Variants in MMP16 observed in about 807,000 individuals in gnomAD.
The protein encoded by MMP16 is matrix metallopeptidase 16, also known as matrix metalloproteinase-16.
In MMP16, 12 loss-of-function variants were observed where a neutral mutation model predicts 67.8. That is an observed-to-expected ratio of 0.18 (90% CI 0.11 to 0.29). The LOEUF is 0.29. Among genes scored for constraint, MMP16 ranks in the 10% least tolerant of loss-of-function variants. MMP16 has a pLI of 1.00. For synonymous variants in MMP16, 249 were observed against 255.9 expected, an observed-to-expected ratio of 0.97 and a Z score of 0.26; for missense variants, 475 against 765.7, an observed-to-expected ratio of 0.62 and a Z score of 4.48.
chr8:88,154,031 A>G, intron 4 of MMP16, among the ~76,000 whole-genome samples: 1 of 147,896 alleles, frequency 6.8e-6, no homozygotes, highest in South Asian at 2.2e-4. Flanking sequence ...AAAAAAACAA[A>G]CAACCCCATC....
intron 1 of MMP16, among the ~76,000 whole-genome samples, chr8:88,318,780 G>C (rs1811413686): frequency 6.6e-6 from 1 of 152,134 alleles, no homozygotes; most frequent in South Asian, 2.1e-4. Flanking sequence ...ACACTTATTA[G>C]GCACATAGCA....
chr8:88,126,527 T>C (rs555928258), intron 4 of MMP16, among the ~76,000 whole-genome samples: 10 of 152,038 alleles, frequency 6.6e-5, no homozygotes, highest in Non-Finnish European at 1.3e-4. Context: ...TTGTATTTTA[T>C]ACTTGAAATT....
chr8:88,256,234 G>T (rs182770723), intron 1 of MMP16, among the ~76,000 whole-genome samples: 1 of 151,944 alleles, frequency 6.6e-6, no homozygotes, highest in Non-Finnish European at 1.5e-5. Context: ...TCAAAGACAG[G>T]AGTAATAGAT....
At chr8:88,078,239 A>T (rs929453111) in intron 6 of MMP16, among the ~76,000 whole-genome samples, 8 of 152,176 alleles carry the variant, frequency 5.3e-5, no homozygotes, top group African/African-American at 1.9e-4. Flanking sequence ...CTTATACATT[A>T]CCAAACTGGA....
At position 88,182,809 on chromosome 8, in the gene MMP16, A is replaced by G. The variant is rs537415402; in HGVS notation, c.404+3667T>C. 3.1e-5 allele frequency among the ~76,000 whole-genome samples: 4 copies of G among 130,698 alleles called. No homozygotes were observed. In the East Asian group the frequency reaches 8.8e-4, roughly 29 times the overall value. The allele number at this position is 130,698 out of a possible 152,430, so 85.7% of individuals were successfully genotyped here. ...TTTCCCCAAACTGGAATCAACCAAGATGGCTTCAATAAGTGAATGAATAAA... is the reference window on the plus strand; with the variant it reads ...TTTCCCCAAACTGGAATCAACCAAGGTGGCTTCAATAAGTGAATGAATAAA... On this transcript the variant is annotated intron_variant, in intron 3 of 9. Transcript: ENST00000286614.
chr8:88,145,380 A>G (rs1321707350), intron 4 of MMP16, among the ~76,000 whole-genome samples: 2 of 152,104 alleles, frequency 1.3e-5, no homozygotes, highest in East Asian at 3.9e-4. Context: ...ATCTTATGGG[A>G]ACATTATCAT....
At chr8:88,065,529 T>C (rs923029231) in intron 7 of MMP16, among the ~76,000 whole-genome samples, 6 of 152,050 alleles carry the variant, frequency 3.9e-5, no homozygotes, top group Non-Finnish European at 8.8e-5. Context: ...AAAATAGCAC[T>C]ATTTGCTTGG....
At chr8:88,111,777 T>C (rs568299688) in intron 6 of MMP16, among the ~76,000 whole-genome samples, 2 of 151,842 alleles carry the variant, frequency 1.3e-5, no homozygotes, top group South Asian at 2.1e-4. Flanking sequence ...TAAGATGTTA[T>C]GTGATGTTTA....
intron 1 of MMP16, among the ~76,000 whole-genome samples, chr8:88,321,056 T>G (rs1023477414): frequency 6.6e-6 from 1 of 152,176 alleles, no homozygotes; most frequent in African/African-American, 2.4e-5. Context: ...GAATGTCCCA[T>G]ATATCATTAC....
At chr8:88,319,970 A>C (rs184767900) in intron 1 of MMP16, among the ~76,000 whole-genome samples, 18 of 152,268 alleles carry the variant, frequency 1.2e-4, no homozygotes, top group Non-Finnish European at 2.4e-4. Flanking sequence ...AACTTACAAA[A>C]AACTTAGTGA....
intron 1 of MMP16, among the ~76,000 whole-genome samples, chr8:88,252,184 C>T (rs1013687619): frequency 1.8e-4 from 27 of 150,770 alleles, no homozygotes; most frequent in Non-Finnish European, 3.4e-4. Flanking sequence ...GCTATAAAGA[C>T]ACATGCACAC....
At chr8:88,265,549 T>C (rs2129960319) in intron 1 of MMP16, among the ~76,000 whole-genome samples, 1 of 152,256 alleles carries the variant, frequency 6.6e-6, no homozygotes, top group East Asian at 1.9e-4. Flanking sequence ...GTAAAGTTTA[T>C]ATGTAGACTT....
intron 5 of MMP16, among the ~76,000 whole-genome samples, chr8:88,117,930 T>A (rs575443669): frequency 6.6e-6 from 1 of 152,230 alleles, no homozygotes; most frequent in African/African-American, 2.4e-5. Context: ...TTGCTATATG[T>A]AAATTATAAA....
At chr8:88,184,062 G>A (rs192128439) in intron 3 of MMP16, among the ~76,000 whole-genome samples, 75 of 152,012 alleles carry the variant, frequency 4.9e-4, no homozygotes, top group African/African-American at 1.7e-3. Flanking sequence ...GTAGTTCTTT[G>A]CTTTGATTCC....
At chr8:88,097,897 A>T (rs1809057149) in intron 6 of MMP16, among the ~76,000 whole-genome samples, 1 of 151,854 alleles carries the variant, frequency 6.6e-6, no homozygotes, top group Non-Finnish European at 1.5e-5. Flanking sequence ...AATTACCTGG[A>T]GTTAGACAAA....
chr8:88,135,938 G>C (rs1477571404), intron 4 of MMP16, among the ~76,000 whole-genome samples: 1 of 151,768 alleles, frequency 6.6e-6, no homozygotes, highest in Non-Finnish European at 1.5e-5. Context: ...TATTATATAA[G>C]TGGGTTAAAC....
chr8:88,165,555 A>T (rs1003520090), intron 4 of MMP16, among the ~76,000 whole-genome samples: 5 of 152,212 alleles, frequency 3.3e-5, no homozygotes, highest in Admixed American at 3.3e-4. Context: ...ATTATTTAAA[A>T]TAATTTTAAA....
chr8:88,241,185 G>A (rs533421915), intron 1 of MMP16, among the ~76,000 whole-genome samples: 152 of 151,240 alleles, frequency 1.0e-3, no homozygotes, highest in Non-Finnish European at 1.6e-3. Flanking sequence ...CACTTCTGTT[G>A]CCTCCAACAT....
At chr8:88,148,115 T>C (rs1195306101) in intron 4 of MMP16, among the ~76,000 whole-genome samples, 1 of 152,198 alleles carries the variant, frequency 6.6e-6, no homozygotes, top group Non-Finnish European at 1.5e-5. Flanking sequence ...AATTTAATTG[T>C]TATGATTACA....
Sources: allele counts gnomAD v4.1 joint callset (sites outside exome capture counted in the v4.1 genomes callset), GRCh38; gene constraint gnomAD v4.1.1; transcripts MANE v1.5; gene names NCBI Gene and HGNC (gene_info 2026-07-23, HGNC 2026-07-21).